Variants in CNTN6 observed in about 807,000 individuals in gnomAD.
CNTN6 encodes the protein contactin-6.
A neutral mutation model predicts 122.8 loss-of-function variants in CNTN6; 137 were observed. The observed-to-expected ratio is 1.12, with a 90% confidence interval of 0.97 to 1.29. The LOEUF is 1.29. Ranked by LOEUF, CNTN6 falls within the 50% of genes most tolerant of loss-of-function variation. The pLI is 0.00. For missense variants in CNTN6, 1,634 were observed against 1,223.4 expected (o/e 1.34, Z -5.01); for synonymous variants, 570 against 426.0 (o/e 1.34, Z -4.16).
chr3:1,324,303 A>AC (rs1701248260), intron 8 of CNTN6, among the ~76,000 whole-genome samples: 1 of 149,480 alleles, frequency 6.7e-6, no homozygotes, highest in Admixed American at 6.6e-5. Flanking sequence ...GAAAAACTCT[A>AC]GAAGTCAGAC....
chr3:1,292,823 G>T (rs1170070459), intron 5 of CNTN6, among the ~76,000 whole-genome samples: 2 of 151,916 alleles, frequency 1.3e-5, no homozygotes, highest in Non-Finnish European at 2.9e-5. Flanking sequence ...AAAGCCTTTT[G>T]TATTTCCCTC....
At chr3:1,294,763 T>A (rs886598669) in intron 5 of CNTN6, among the ~76,000 whole-genome samples, 2 of 152,194 alleles carry the variant, frequency 1.3e-5, no homozygotes, top group African/African-American at 4.8e-5. Flanking sequence ...TTCTTAGAAG[T>A]CTTTTCTGAT....
chr3:1,112,652 A>G (rs1263167605), intron 1 of CNTN6, among the ~76,000 whole-genome samples: 6 of 152,122 alleles, frequency 3.9e-5, no homozygotes, highest in South Asian at 2.1e-4. Context: ...TCAGACTCAC[A>G]TGCTAATTTC....
At chr3:1,180,571 A>C (rs1394213349) in intron 2 of CNTN6, among the ~76,000 whole-genome samples, 3 of 152,258 alleles carry the variant, frequency 2.0e-5, no homozygotes, top group Admixed American at 6.5e-5. Context: ...CTAGAATAGA[A>C]ATGCTTTTGC....
chr3:1,383,476 C>G, intron 19 of CNTN6, 68 bp downstream of exon 19: 1 of 1,118,060 alleles, frequency 8.9e-7, no homozygotes, highest in Non-Finnish European at 1.4e-6. Context: ...TCCTATTCAA[C>G]AGTCCTATCC....
At chr3:1,185,376 C>T (rs568351183) in intron 2 of CNTN6, among the ~76,000 whole-genome samples, 1 of 152,176 alleles carries the variant, frequency 6.6e-6, no homozygotes, top group East Asian at 1.9e-4. Context: ...AAAAATAGTG[C>T]AAAATATTCA....
At chr3:1,315,569 C>T (rs992849858) in intron 7 of CNTN6, among the ~76,000 whole-genome samples, 4 of 151,982 alleles carry the variant, frequency 2.6e-5, no homozygotes, top group Admixed American at 2.6e-4. Flanking sequence ...CCATCTGTCA[C>T]AATGCCTGGT....
chr3:1,133,652 AT>A (rs35549871), intron 1 of CNTN6, among the ~76,000 whole-genome samples: 21,380 of 151,904 alleles, frequency 0.14, 1,661 homozygotes, highest in African/African-American at 0.19. Flanking sequence ...TTTCTTTTCC[AT>A]TTTCCTACAG....
At chr3:1,120,422 T>A (rs958424001) in intron 1 of CNTN6, among the ~76,000 whole-genome samples, 8 of 151,976 alleles carry the variant, frequency 5.3e-5, no homozygotes, top group Admixed American at 4.6e-4. Flanking sequence ...TATATCTCAT[T>A]GTAGCTTTAA....
At chr3:1,361,330 A>G (rs1331384860) in intron 12 of CNTN6, among the ~76,000 whole-genome samples, 3 of 152,146 alleles carry the variant, frequency 2.0e-5, no homozygotes, top group Admixed American at 6.6e-5. Flanking sequence ...CAATGTTGCT[A>G]TTAAAATATA....
intron 1 of CNTN6, among the ~76,000 whole-genome samples, chr3:1,144,957 T>G (rs994755039): frequency 1.2e-4 from 19 of 152,208 alleles, no homozygotes; most frequent in African/African-American, 4.6e-4. Context: ...TCCGGAGGAT[T>G]GGGTATTTTA....
chr3:1,110,507 C>G (rs2091430179), intron 1 of CNTN6, among the ~76,000 whole-genome samples: 1 of 152,002 alleles, frequency 6.6e-6, no homozygotes, highest in African/African-American at 2.4e-5. Context: ...ATATTCTAAC[C>G]TTTGAACATT....
At chr3:1,355,240 C>A (rs1223967336) in intron 12 of CNTN6, among the ~76,000 whole-genome samples, 1 of 151,556 alleles carries the variant, frequency 6.6e-6, no homozygotes, top group Non-Finnish European at 1.5e-5. Flanking sequence ...CACACAAATA[C>A]ATATAAATAA....
chr3:1,338,843 T>C (rs1313349003), intron 11 of CNTN6, among the ~76,000 whole-genome samples: 2 of 152,186 alleles, frequency 1.3e-5, no homozygotes, highest in African/African-American at 2.4e-5. Flanking sequence ...TATAATGTCC[T>C]TTTTTGTTTA....
At chr3:1,189,210 C>A (rs2093667579) in intron 2 of CNTN6, among the ~76,000 whole-genome samples, 1 of 152,052 alleles carries the variant, frequency 6.6e-6, no homozygotes, top group Admixed American at 6.5e-5. Context: ...TTGTTGGTGC[C>A]ATAAGAGACA....
At chr3:1,140,197 C>T (rs1306864476) in intron 1 of CNTN6, among the ~76,000 whole-genome samples, 1 of 152,132 alleles carries the variant, frequency 6.6e-6, no homozygotes, top group South Asian at 2.1e-4. Context: ...GCTATAGCAG[C>T]GTCACTCATC....
chr3:1,247,033 A>G (rs573188758), intron 4 of CNTN6, among the ~76,000 whole-genome samples: 5 of 151,188 alleles, frequency 3.3e-5, no homozygotes, highest in South Asian at 4.2e-4. Flanking sequence ...AGTTCAATCT[A>G]TTGGTCTTTT....
intron 1 of CNTN6, among the ~76,000 whole-genome samples, chr3:1,144,711 A>T (rs763761739): frequency 4.2e-5 from 6 of 141,288 alleles, no homozygotes; most frequent in Non-Finnish European, 4.7e-5. Context: ...TTCTTGGCTC[A>T]GGTAAGATGT....
At chr3:1,107,114 A>G (rs376953753) in intron 1 of CNTN6, among the ~76,000 whole-genome samples, 1 of 152,100 alleles carries the variant, frequency 6.6e-6, no homozygotes, top group Non-Finnish European at 1.5e-5. Flanking sequence ...TTTTATCTGG[A>G]AACACCCTCA....
Sources: allele counts gnomAD v4.1 joint callset (sites outside exome capture counted in the v4.1 genomes callset), GRCh38; gene constraint gnomAD v4.1.1; transcripts MANE v1.5; gene names NCBI Gene and HGNC (gene_info 2026-07-23, HGNC 2026-07-21).